HAUS6: variants seen among roughly 807,000 people sequenced by gnomAD.
The protein encoded by HAUS6 is HAUS augmin like complex subunit 6, also known as HAUS augmin-like complex subunit 6.
HAUS6 carries 80 observed loss-of-function variants against 106.8 expected under a neutral mutation model. That is an observed-to-expected ratio of 0.75 (90% CI 0.63 to 0.90). HAUS6 has a LOEUF of 0.90. Among genes scored for constraint, HAUS6 ranks in the 40% least tolerant of loss-of-function variants. The pLI is 0.00. For missense variants in HAUS6, 1,155 were observed against 1,118.1 expected (o/e 1.03, Z -0.47); for synonymous variants, 356 against 379.1 (o/e 0.94, Z 0.71).
intron 1 of HAUS6, among the ~76,000 whole-genome samples, chr9:19,097,892 A>T (rs1435948611): frequency 6.6e-6 from 1 of 152,212 alleles, no homozygotes; most frequent in Non-Finnish European, 1.5e-5. Context: ...CAAAAAATCA[A>T]ATCAAGTGAA....
intron 4 of HAUS6, among the ~76,000 whole-genome samples, chr9:19,092,471 C>T (rs1007616431): frequency 7.3e-5 from 11 of 151,400 alleles, no homozygotes; most frequent in Non-Finnish European, 1.3e-4. Flanking sequence ...CAAAATTAGC[C>T]GGGTGTAGAA....
Position 19,084,307 on chromosome 9 carries a change from C to G in HAUS6, c.700-1264G>C, listed in dbSNP as rs770667798. On this transcript the variant is annotated intron_variant, in intron 7 of 16. Coordinates refer to ENST00000380502, the MANE Select transcript of HAUS6 (RefSeq NM_017645.5). Reference sequence around the variant, plus strand: ...CTGGCATTTATATGAAGTTCAAAAACAGGCAAAACTAATCTTTAGTGTAAC... The same window carrying G: ...CTGGCATTTATATGAAGTTCAAAAAGAGGCAAAACTAATCTTTAGTGTAAC... Among the ~76,000 whole-genome samples, 66 of 152,226 alleles carry G rather than the reference C, an allele frequency of 4.3e-4. 1 individual carries two copies. The highest frequency in any genetic ancestry group is 8.5e-4 in the Admixed American group (13 of 15,292).
chr9:19,100,691 TAAAGA>T (rs1413480348), intron 1 of HAUS6, among the ~76,000 whole-genome samples: 1 of 152,144 alleles, frequency 6.6e-6, no homozygotes, highest in Admixed American at 6.6e-5. Flanking sequence ...GTTGAATGGA[TAAAGA>T]AAACAGATGA....
At chr9:19,079,807 G>C (rs1837098123) in intron 9 of HAUS6, among the ~76,000 whole-genome samples, 1 of 151,562 alleles carries the variant, frequency 6.6e-6, no homozygotes, top group Admixed American at 6.6e-5. Flanking sequence ...GGAGTCTGAG[G>C]CAGGAGAATC....
chr9:19,087,586 G>A (rs1015769569), intron 5 of HAUS6, among the ~76,000 whole-genome samples: 4 of 152,116 alleles, frequency 2.6e-5, no homozygotes, highest in Non-Finnish European at 5.9e-5. Context: ...CAGGTGCAAT[G>A]GCTCACACCT....
rs1279918799 is a variant in HAUS6 at position 19,058,295 on chromosome 9, T to C, written c.2472A>G (p.Pro824=). ...EDVVGGRQTT[P]ESDFNLQALR... is the part of the protein sequence containing the mutation. The stretch of plus-strand genomic sequence containing the variant: ...GAGCCTGTAAATTAAAGTCTGATTC[T>C]GGAGTAGTCTGTCTCCCTCCCACAA... The change falls in exon 16 of 17, where the codon CCA becomes CCG. Residue 824 remains proline (P), a synonymous_variant. Transcript: ENST00000380502. 6.2e-7 allele frequency: 1 copy of C among 1,613,222 alleles called. No homozygotes were observed. Among genetic ancestry groups the C allele is most frequent in the Admixed American group, 1.7e-5 (1 of 60,010 alleles).
chr9:19,100,268 G>A (rs1817959959), intron 1 of HAUS6, among the ~76,000 whole-genome samples: 1 of 152,198 alleles, frequency 6.6e-6, no homozygotes, highest in Non-Finnish European at 1.5e-5. Flanking sequence ...AGGCTGAAGT[G>A]GAAGGAAGGA....
intron 10 of HAUS6, 91 bp downstream of exon 10, chr9:19,078,085 C>T (rs1383118275): frequency 1.3e-5 from 13 of 1,031,362 alleles, no homozygotes; most frequent in Non-Finnish European, 1.9e-5. Context: ...TGCCACTCTA[C>T]TCCAGCCTGG....
chr9:19,081,415 A>G (rs934377118), intron 8 of HAUS6, among the ~76,000 whole-genome samples: 1 of 151,930 alleles, frequency 6.6e-6, no homozygotes, highest in African/African-American at 2.4e-5. Context: ...AAATCATTTG[A>G]ATTAGTTGCC....
intron 11 of HAUS6, chr9:19,073,896 T>C (rs905330189): frequency 1.3e-5 from 2 of 152,074 alleles, no homozygotes; most frequent in African/African-American, 4.8e-5. Flanking sequence ...GAGATTAACA[T>C]GGCCCCTGAG....
At position 19,061,761 on chromosome 9, in the gene HAUS6, G is replaced by T. The variant is rs111390876; in HGVS notation, c.1629+1247C>A. Among the ~76,000 whole-genome samples the T allele has an allele frequency of 3.1e-3, 472 of 152,320 alleles. 2 individuals carry two copies. Among genetic ancestry groups the T allele is most frequent in the African/African-American group, 0.011 (455 of 41,580 alleles). ...GAGGTGGAAGGATCCCTTGAGCTCA[G>T]AAGTTCGAAGTTACAGTGAGCTATA... is the stretch of plus-strand genomic sequence containing the variant. On this transcript the variant is annotated intron_variant, in intron 14 of 16. Transcript: ENST00000380502.
At chr9:19,075,975 A>AAC (rs1836992823) in intron 11 of HAUS6, among the ~76,000 whole-genome samples, 1 of 147,854 alleles carries the variant, frequency 6.8e-6, no homozygotes, top group Non-Finnish European at 1.5e-5. Flanking sequence ...AAAAAAAAAA[A>AAC]AAAACACAAG....
intron 1 of HAUS6, among the ~76,000 whole-genome samples, chr9:19,098,618 T>C (rs1282807694): frequency 6.6e-6 from 1 of 152,136 alleles, no homozygotes; most frequent in African/African-American, 2.4e-5. Flanking sequence ...AAAGCGCTTC[T>C]TCCCCTTCTA....
At chr9:19,067,162 C>T (rs1335000598) in intron 12 of HAUS6, among the ~76,000 whole-genome samples, 3 of 152,306 alleles carry the variant, frequency 2.0e-5, no homozygotes, top group African/African-American at 7.2e-5. Context: ...ATCATATCCA[C>T]ATATGAATTT....
At chr9:19,100,094 C>A (rs888271845) in intron 1 of HAUS6, among the ~76,000 whole-genome samples, 3 of 152,206 alleles carry the variant, frequency 2.0e-5, no homozygotes, top group Admixed American at 2.0e-4. Context: ...ACTCAGGAGG[C>A]TGAGGCAGAG....
chr9:19,059,848 TAAC>T (rs1836568886), intron 15 of HAUS6, among the ~76,000 whole-genome samples: 1 of 152,154 alleles, frequency 6.6e-6, no homozygotes, highest in Non-Finnish European at 1.5e-5. Flanking sequence ...AAGCAAAGTA[TAAC>T]AACAAAGACA....
Position 19,078,088 on chromosome 9 carries a change from C to T in HAUS6, c.1191+88G>A, listed in dbSNP as rs979615028. ...CAGCTATGATCGTGCCACTCTACTC[C>T]AGCCTGGGCAACAGAGCAAGACACT... On this transcript the variant is annotated intron_variant, in intron 10 of 16. Coordinates refer to ENST00000380502, the MANE Select transcript of HAUS6 (RefSeq NM_017645.5). The T allele has an allele frequency of 4.7e-6, 5 of 1,056,116 alleles. No individual in the cohort carries two copies. In the African/African-American group the frequency reaches 8.0e-5, roughly 17 times the overall value. 65.4% of individuals were successfully genotyped at this position (1,056,116 alleles called of 1,614,324 possible). A position where few individuals can be genotyped will look rare whatever the true frequency, so the allele number is the denominator to read the frequency against.
chr9:19,068,007 AG>A (rs924210670), intron 12 of HAUS6, among the ~76,000 whole-genome samples: 18 of 151,624 alleles, frequency 1.2e-4, no homozygotes, highest in Admixed American at 9.9e-4. Flanking sequence ...CAAAAAAAAA[AG>A]TTATCTTGAG....
intron 11 of HAUS6, among the ~76,000 whole-genome samples, chr9:19,071,114 A>G (rs951578015): frequency 1.3e-5 from 2 of 152,248 alleles, no homozygotes; most frequent in Admixed American, 6.5e-5. Context: ...AACAGAAGCC[A>G]TAATGAAAGA....
Sources: allele counts gnomAD v4.1 joint callset (sites outside exome capture counted in the v4.1 genomes callset), GRCh38; gene constraint gnomAD v4.1.1; transcripts MANE v1.5; gene names NCBI Gene and HGNC (gene_info 2026-07-23, HGNC 2026-07-21).